The following ST7L variants were observed in gnomAD, a reference collection of about 807,000 sequenced individuals.
The protein encoded by ST7L is suppressor of tumorigenicity 7 protein-like.
A neutral mutation model predicts 72.5 loss-of-function variants in ST7L; 57 were observed. The observed-to-expected ratio is 0.79, with a 90% confidence interval of 0.64 to 0.98. The LOEUF (loss-of-function observed/expected upper bound fraction) is 0.98. ST7L is among the 50% of genes least tolerant of loss of function. ST7L has a pLI of 0.00. For missense variants in ST7L, 576 were observed against 672.2 expected (o/e 0.86, Z 1.58); for synonymous variants, 221 against 240.9 (o/e 0.92, Z 0.77).
chr1:112,561,968 CTTT>C (rs35922454), intron 11 of ST7L, among the ~76,000 whole-genome samples: 10 of 136,778 alleles, frequency 7.3e-5, no homozygotes, highest in Non-Finnish European at 6.3e-5. Context: ...TAAAACTTTA[CTTT>C]TTTTTTTTTT....
In ST7L at chr1:112,525,933, G is replaced by T. The variant is rs752916523; in HGVS notation, c.*80C>A. On this transcript the variant is annotated 3_prime_UTR_variant, in exon 15 of 15. Coordinates refer to ENST00000358039, the MANE Select transcript of ST7L (RefSeq NM_017744.5). ...TGTAATCCTCACAACAACCCTGTGA[G>T]GTAGGGGTTACTGTCACTTTACAGA... 3 of 1,587,594 alleles carry T rather than the reference G, an allele frequency of 1.9e-6. No homozygotes were observed. The highest frequency in any genetic ancestry group is 1.3e-5 in the African/African-American group (1 of 74,462).
At chr1:112,552,597 T>C (rs527610186) in intron 12 of ST7L, among the ~76,000 whole-genome samples, 15 of 152,142 alleles carry the variant, frequency 9.9e-5, no homozygotes, top group African/African-American at 3.6e-4. Context: ...AGAGACGGGG[T>C]TTCTCCATGT....
Position 112,577,027 on chromosome 1 carries a change from C to T in ST7L, c.1204G>A (p.Ala402Thr), listed in dbSNP as rs373072122. The T allele has an allele frequency of 2.5e-6, 4 of 1,610,456 alleles. No homozygotes were observed. The highest frequency in any genetic ancestry group is 3.3e-5 in the Admixed American group (2 of 59,894). ...LSTAEINAVE[A>T]IHRAVEFNPH... is the part of the protein sequence containing the mutation. ...TTAAATTCCACAGCTCTATGAATTG[C>T]TTCCACGGCATTAATTTCTGCTGTG... Residue 402 changes from alanine (A) to threonine (T), a missense_variant, in exon 11 of 15, where the codon GCA becomes ACA. By Grantham distance (58) the Ala-to-Thr change is moderately conservative. Around this residue, in one of 3 missense-constraint regions of ST7L, gnomAD observed 511 missense variants for 600.7 expected, o/e 0.85. Transcript: ENST00000358039.
At chr1:112,544,899 G>A in intron 13 of ST7L, among the ~76,000 whole-genome samples, 1 of 152,152 alleles carries the variant, frequency 6.6e-6, no homozygotes, top group East Asian at 1.9e-4. Flanking sequence ...AATAATGGAT[G>A]ACTATTACAG....
chr1:112,551,400 G>A (rs11102494), intron 12 of ST7L, among the ~76,000 whole-genome samples: 29,749 of 151,804 alleles, frequency 0.2, 3,278 homozygotes, highest in Middle Eastern at 0.26. Flanking sequence ...CACCCACCTC[G>A]GCCTCCCAAA....
At chr1:112,601,227 C>A (rs1667336402) in intron 3 of ST7L, among the ~76,000 whole-genome samples, 1 of 152,104 alleles carries the variant, frequency 6.6e-6, no homozygotes, top group Non-Finnish European at 1.5e-5. Flanking sequence ...ATGGCCTGAA[C>A]TCTGTAATAA....
At chr1:112,536,024 A>C (rs958176329) in intron 14 of ST7L, among the ~76,000 whole-genome samples, 2 of 152,224 alleles carry the variant, frequency 1.3e-5, no homozygotes, top group African/African-American at 4.8e-5. Context: ...TAAACATTTA[A>C]AAATTTTGAC....
At chr1:112,557,536 A>C (rs935144418) in intron 11 of ST7L, among the ~76,000 whole-genome samples, 14 of 152,236 alleles carry the variant, frequency 9.2e-5, no homozygotes, top group Admixed American at 4.6e-4. Flanking sequence ...TATTATGAAT[A>C]ATGTTGTTAT....
intron 1 of ST7L, chr1:112,618,085 T>C: frequency 2.3e-6 from 3 of 1,303,376 alleles, no homozygotes; most frequent in Non-Finnish European, 3.0e-6. Context: ...CCATACTGAA[T>C]CATGTAATGG....
intron 2 of ST7L, among the ~76,000 whole-genome samples, chr1:112,613,383 G>A (rs973846314): frequency 2.6e-5 from 4 of 152,108 alleles, no homozygotes; most frequent in Admixed American, 6.5e-5. Context: ...TTAGAGATGA[G>A]GACACACATT....
chr1:112,586,932 T>A (rs1337501326), intron 6 of ST7L, among the ~76,000 whole-genome samples: 2 of 152,206 alleles, frequency 1.3e-5, no homozygotes, highest in African/African-American at 4.8e-5. Flanking sequence ...ACTCCCCATC[T>A]CCCTTGCCTC....
chr1:112,519,872 CTT>C (rs71081244), downstream of ST7L, among the ~76,000 whole-genome samples: 483 of 115,612 alleles, frequency 4.2e-3, 1 homozygote, highest in African/African-American at 0.012. Context: ...GCCCATGCTT[CTT>C]TTTTTTTTTT....
At chr1:112,538,074 G>T (rs1191237338) in intron 14 of ST7L, among the ~76,000 whole-genome samples, 1 of 152,188 alleles carries the variant, frequency 6.6e-6, no homozygotes, top group Admixed American at 6.5e-5. Context: ...AAAGATATTA[G>T]ATGAGAAAGA....
chr1:112,619,086 C>G lies in ST7L; in HGVS notation c.28G>C (p.Ala10Pro). 5 of 1,613,408 alleles carry G rather than the reference C, an allele frequency of 3.1e-6. No individual in the cohort carries two copies. The highest frequency in any genetic ancestry group is 4.2e-6 in the Non-Finnish European group (5 of 1,179,934). ...GCAGGAGACGCTCCAACAGCTGCGG[C>G]TTCACCCACGCCGCCACGGTCCGCC... MADRGGVGE[A>P]AAVGASPASV... is the part of the protein sequence containing the mutation. Residue 10 changes from alanine to proline, a missense_variant, in exon 1 of 15, where the codon GCC (alanine) becomes CCC (proline). By Grantham distance (27) the Ala-to-Pro change is conservative. Around this residue, in one of 3 missense-constraint regions of ST7L, gnomAD observed 56 missense variants for 45.8 expected, o/e 1.22. Coordinates refer to ENST00000358039, the MANE Select transcript of ST7L (RefSeq NM_017744.5).
chr1:112,602,076 C>T (rs1463373191), intron 3 of ST7L, among the ~76,000 whole-genome samples: 8 of 123,930 alleles, frequency 6.5e-5, no homozygotes, highest in African/African-American at 2.3e-4. Context: ...AAGAGCAAAA[C>T]TCCATCCAAA....
chr1:112,562,158 G>C (rs1210805773), intron 11 of ST7L, among the ~76,000 whole-genome samples: 1 of 151,774 alleles, frequency 6.6e-6, no homozygotes, highest in Non-Finnish European at 1.5e-5. Context: ...TGTAGAGATA[G>C]GGTTTCACTG....
chr1:112,614,626 A>G (rs987522527), intron 2 of ST7L, among the ~76,000 whole-genome samples: 4 of 152,074 alleles, frequency 2.6e-5, no homozygotes, highest in Non-Finnish European at 5.9e-5. Context: ...TATTTCTACT[A>G]CAGCTGGAGA....
At chr1:112,605,968 C>G (rs1258476688) in intron 3 of ST7L, among the ~76,000 whole-genome samples, 14 of 152,244 alleles carry the variant, frequency 9.2e-5, no homozygotes. Flanking sequence ...GACAATTGAA[C>G]AGCTCTATGG....
At chr1:112,537,580 G>A (rs1655419683) in intron 14 of ST7L, among the ~76,000 whole-genome samples, 1 of 152,182 alleles carries the variant, frequency 6.6e-6, no homozygotes. Context: ...TTCCAGTTCA[G>A]TTGGTTTGCT....
Sources: allele counts gnomAD v4.1 joint callset (sites outside exome capture counted in the v4.1 genomes callset), GRCh38; gene constraint gnomAD v4.1.1; regional missense constraint gnomAD v4.1.1; transcripts MANE v1.5; gene names NCBI Gene and HGNC (gene_info 2026-07-23, HGNC 2026-07-21).